CELF4: variants seen among roughly 807,000 people sequenced by gnomAD.
The protein encoded by CELF4 is CUG-BP- and ETR-3-like factor 4.
A neutral mutation model predicts 59.9 loss-of-function variants in CELF4; 18 were observed. The observed-to-expected ratio is 0.30, with a 90% CI of 0.21 to 0.45. CELF4 has a LOEUF of 0.45. Among genes scored for constraint, CELF4 ranks in the 20% least tolerant of loss-of-function variants. The probability of loss-of-function intolerance (pLI) is 1.00; values close to 1 mark genes in which losing one functional copy is unlikely to be tolerated. For synonymous variants in CELF4, 261 were observed against 267.1 expected (o/e 0.98, Z 0.22); for missense variants, 456 against 689.0 (o/e 0.66, Z 3.79).
intron 1 of CELF4, among the ~76,000 whole-genome samples, chr18:37,523,192 G>A (rs1160188110): frequency 6.6e-6 from 1 of 152,122 alleles, no homozygotes; most frequent in Non-Finnish European, 1.5e-5. Context: ...ATCTGATGAG[G>A]AACAGACAGC....
At chr18:37,516,781 G>A (rs1402798655) in intron 1 of CELF4, among the ~76,000 whole-genome samples, 2 of 152,174 alleles carry the variant, frequency 1.3e-5, no homozygotes, top group African/African-American at 4.8e-5. Flanking sequence ...GCTTGGAGAG[G>A]GTGGCTCACC....
At chr18:37,438,387 G>T (rs1328715936) in intron 2 of CELF4, among the ~76,000 whole-genome samples, 1 of 152,186 alleles carries the variant, frequency 6.6e-6, no homozygotes, top group Non-Finnish European at 1.5e-5. Context: ...GTAGAAGACT[G>T]GGATGTGATC....
At chr18:37,513,941 CGT>C (rs5824070) in intron 1 of CELF4, among the ~76,000 whole-genome samples, 14,089 of 144,138 alleles carry the variant, frequency 0.098, 740 homozygotes, top group Non-Finnish European at 0.11. Context: ...TGTGTGGTGC[CGT>C]GTGTGTGTGT....
At chr18:37,258,739 G>A (rs765261491) in intron 11 of CELF4, among the ~76,000 whole-genome samples, 6 of 152,144 alleles carry the variant, frequency 3.9e-5, no homozygotes, top group Non-Finnish European at 7.3e-5. Flanking sequence ...ATTTAGCCTC[G>A]GGCTCAGGCC....
chr18:37,377,267 A>AGGAC (rs1271537212), intron 2 of CELF4, among the ~76,000 whole-genome samples: 1 of 152,162 alleles, frequency 6.6e-6, no homozygotes, highest in African/African-American at 2.4e-5. Context: ...AGACTGCCTG[A>AGGAC]GGACGGCCTC....
chr18:37,525,836 C>T (rs1275143762), intron 1 of CELF4, among the ~76,000 whole-genome samples: 1 of 152,168 alleles, frequency 6.6e-6, no homozygotes, highest in Non-Finnish European at 1.5e-5. Context: ...CACAAGATCC[C>T]TTGTTCACAG....
intron 1 of CELF4, among the ~76,000 whole-genome samples, chr18:37,490,288 G>A (rs968166016): frequency 6.6e-6 from 1 of 152,042 alleles, no homozygotes; most frequent in African/African-American, 2.4e-5. Context: ...GAGTAGGGGG[G>A]TATGTTTCCT....
intron 2 of CELF4, among the ~76,000 whole-genome samples, chr18:37,374,174 C>A (rs529662536): frequency 1.3e-5 from 2 of 152,300 alleles, no homozygotes; most frequent in Non-Finnish European, 2.9e-5. Context: ...CCCGCAGGTC[C>A]CCACCTCTTC....
At chr18:37,333,312 C>T (rs1429851423) in intron 2 of CELF4, among the ~76,000 whole-genome samples, 2 of 151,826 alleles carry the variant, frequency 1.3e-5, no homozygotes, top group Non-Finnish European at 2.9e-5. Flanking sequence ...CGACAGCTAC[C>T]CTCTCCCTCC....
intron 2 of CELF4, among the ~76,000 whole-genome samples, chr18:37,324,507 C>G (rs1165123073): frequency 1.3e-5 from 2 of 152,214 alleles, no homozygotes; most frequent in Non-Finnish European, 2.9e-5. Context: ...GGGCTTCCAG[C>G]CTCCGGAGCT....
intron 3 of CELF4, chr18:37,276,597 T>C (rs1181878603): frequency 6.6e-6 from 1 of 151,978 alleles, no homozygotes; most frequent in Non-Finnish European, 1.5e-5. Flanking sequence ...GACACGTGAA[T>C]GAATGAGTCC....
At chr18:37,315,868 G>C (rs996132339) in intron 3 of CELF4, among the ~76,000 whole-genome samples, 2 of 152,154 alleles carry the variant, frequency 1.3e-5, no homozygotes, top group African/African-American at 4.8e-5. Context: ...ACACACATCC[G>C]TTCAGCCCAG....
At chr18:37,522,632 T>A (rs551607339) in intron 1 of CELF4, among the ~76,000 whole-genome samples, 1 of 152,166 alleles carries the variant, frequency 6.6e-6, no homozygotes, top group Middle Eastern at 3.4e-3. Context: ...GAGGAAACAA[T>A]GAGGGGAATT....
At chr18:37,273,274 CCCAACTACCACT>C in intron 6 of CELF4, 111 bp from the exon 7 acceptor site, 1 of 1,465,912 alleles carries the variant, frequency 6.8e-7, no homozygotes, top group Non-Finnish European at 9.1e-7. Flanking sequence ...CCCAGAAGCT[CCCAACTACCACT>C]CCAGAAAGCC....
chr18:37,259,958 C>T (rs937207359), intron 10 of CELF4, among the ~76,000 whole-genome samples: 1 of 152,236 alleles, frequency 6.6e-6, no homozygotes, highest in African/African-American at 2.4e-5. Flanking sequence ...TTCTTCATTT[C>T]GTTACCACAG....
chr18:37,414,089 G>A (rs2099500604), intron 2 of CELF4, among the ~76,000 whole-genome samples: 1 of 152,158 alleles, frequency 6.6e-6, no homozygotes. Context: ...ACCTGACATA[G>A]CAGAGATAAC....
chr18:37,451,815 C>T (rs932171544), intron 2 of CELF4, among the ~76,000 whole-genome samples: 4 of 152,224 alleles, frequency 2.6e-5, no homozygotes, highest in African/African-American at 4.8e-5. Flanking sequence ...ATCCTCTGAG[C>T]AGCCCAACCC....
chr18:37,492,583 G>A (rs1336889636), intron 1 of CELF4, among the ~76,000 whole-genome samples: 3 of 152,178 alleles, frequency 2.0e-5, no homozygotes, highest in African/African-American at 7.2e-5. Context: ...TTTTGAAGCA[G>A]ATGTTCTGCT....
At chr18:37,423,053 T>C (rs1786826) in intron 2 of CELF4, among the ~76,000 whole-genome samples, 116,439 of 143,276 alleles carry the variant, frequency 0.81, 45,155 homozygotes, top group East Asian at 0.89. Context: ...CATAGACACA[T>C]GCGCGCGCGC....
Sources: gnomAD v4.1 joint callset for allele counts (sites outside exome capture counted in the v4.1 genomes callset) on GRCh38, gnomAD v4.1.1 for gene constraint, MANE v1.5 for transcripts, NCBI Gene and HGNC (gene_info 2026-07-23, HGNC 2026-07-21) for gene names.